The following SGSH variants were observed in gnomAD, a reference collection of about 807,000 sequenced individuals.
SGSH encodes the protein N-sulfoglucosamine sulfohydrolase.
Under a neutral mutation model 51.0 loss-of-function variants are expected in SGSH, and 48 were observed. The observed-to-expected ratio is 0.94, with a 90% CI of 0.75 to 1.20. The LOEUF is 1.20. Ranked by LOEUF, SGSH falls within the 50% of genes most tolerant of loss-of-function variation. The probability of loss-of-function intolerance (pLI) is 0.00; values close to 1 mark genes in which losing one functional copy is unlikely to be tolerated. For missense variants in SGSH, 662 were observed against 717.8 expected (o/e 0.92, Z 0.89); for synonymous variants, 321 against 313.4 (o/e 1.02, Z -0.26).
Position 80,210,863 on chromosome 17 carries a change from G to A in SGSH, c.1098C>T (p.Ser366=), listed in dbSNP as rs1344726489. Reference sequence around the variant, plus strand: ...GGTAGGACATGGTGACCTCGTGGTGGCTCTGGCTGCCAAAGACGGTGGCCC... The same window carrying A: ...GGTAGGACATGGTGACCTCGTGGTGACTCTGGCTGCCAAAGACGGTGGCCC... ...PLWATVFGSQ[S]HHEVTMSYPM... is the part of the protein sequence containing the mutation. Residue 366 remains serine (S), a synonymous_variant, in exon 8 of 8, where the codon AGC becomes AGT. Transcript: ENST00000326317. 2 of 1,613,504 alleles carry A rather than the reference G, an allele frequency of 1.2e-6. No homozygotes were observed. The highest frequency in any genetic ancestry group is 1.7e-6 in the Non-Finnish European group (2 of 1,180,020).
At chr17:80,208,118 C>G (rs545159633), downstream of SGSH, 101 of 1,502,044 alleles carry the variant, frequency 6.7e-5, no homozygotes, top group African/African-American at 2.9e-4. Flanking sequence ...GCCCGCCCCC[C>G]CCAACTCTGG....
downstream of SGSH, chr17:80,205,269 T>A (rs1598713038): frequency 8.4e-7 from 1 of 1,186,690 alleles, no homozygotes; most frequent in Non-Finnish European, 1.2e-6. Flanking sequence ...CTCCCCTTCC[T>A]CCCTCCTTCC....
chr17:80,203,828 G>C (rs2144510433), downstream of SGSH: 1 of 1,578,956 alleles, frequency 6.3e-7, no homozygotes, highest in Non-Finnish European at 8.6e-7. This position sits in a 1 kb window ranked among gnomAD's most constrained non-coding sequence, Gnocchi z 4.6. Flanking sequence ...GCAGGGCTCA[G>C]CAGCAGCTCA....
downstream of SGSH, chr17:80,205,240 C>G (rs367744677): frequency 6.4e-6 from 10 of 1,561,106 alleles, no homozygotes; most frequent in Non-Finnish European, 8.7e-6. Flanking sequence ...CTACCCCTTC[C>G]ACCTTCCCTC....
rs2041833086 is a variant in SGSH at position 80,214,978 on chromosome 17, C to T, written c.355+55G>A. On this transcript the variant is annotated intron_variant, in intron 3 of 7. Transcript: ENST00000326317. ...TACAAGGTGCCGAACCTCCTGGGCT[C>T]TGGCCTGGCCTCTGTGCCTCACCCC... 2.0e-6 allele frequency: 3 copies of T among 1,500,408 alleles called. No homozygotes were observed. In the African/African-American group the frequency reaches 4.1e-5, roughly 21 times the overall value. 92.9% of individuals were successfully genotyped at this position (1,500,408 alleles called of 1,614,324 possible).
chr17:80,203,858 G>A, downstream of SGSH: 1 of 1,595,968 alleles, frequency 6.3e-7, no homozygotes, highest in Non-Finnish European at 8.5e-7. This position sits in a 1 kb window ranked among gnomAD's most constrained non-coding sequence, Gnocchi z 4.6. Flanking sequence ...TCCAGGACAT[G>A]ACTCAGCAGT....
chr17:80,216,279 C>T lies in SGSH; in HGVS notation c.249+753G>A, dbSNP rs7406336. Among the ~76,000 whole-genome samples the T allele has an allele frequency of 4.0e-5, 6 of 151,190 alleles. No homozygotes were observed. The East Asian group carries it at 1.2e-3, about 30-fold the overall frequency. ...GGGAGGCAGAGGCTGCAGTGAGCCA[C>T]GATCGCACCACAGCACTCCAGCCTG... is the stretch of plus-strand genomic sequence containing the variant. On this transcript the variant is annotated intron_variant, in intron 2 of 7. Transcript: ENST00000326317.
chr17:80,206,187 T>C (rs1274306425), downstream of SGSH, among the ~76,000 whole-genome samples: 1 of 152,232 alleles, frequency 6.6e-6, no homozygotes, highest in Non-Finnish European at 1.5e-5. Flanking sequence ...CAAACTCAGC[T>C]GGGCCTGGGG....
Position 80,213,846 on chromosome 17 carries a change from C to T in SGSH, c.703G>A (p.Asp235Asn), listed in dbSNP as rs753472891. The change falls in exon 6 of 8, where the codon GAC (aspartate) becomes AAC (asparagine). Residue 235 changes from aspartate to asparagine, a missense_variant. Transcript: ENST00000326317. This position sits in a 1 kb window ranked among gnomAD's most constrained non-coding sequence, Gnocchi z 4.6. Reference sequence around the variant, plus strand: ...ACGGTGGTGTACTGAGCGGCCAGGTCGGCTCGGGCTGCCGGGGTGTTGGGG... The same window carrying T: ...ACGGTGGTGTACTGAGCGGCCAGGTTGGCTCGGGCTGCCGGGGTGTTGGGG... ...FVPNTPAARA[D>N]LAAQYTTVGR... The T allele has an allele frequency of 1.6e-5, 25 of 1,608,590 alleles. No individual in the cohort carries two copies. Among genetic ancestry groups the T allele is most frequent in the East Asian group, 1.1e-4 (5 of 44,756 alleles).
intron 4 of SGSH, 31 bp downstream of exon 4, chr17:80,214,584 A>T: frequency 6.9e-6 from 11 of 1,605,472 alleles, no homozygotes; most frequent in Non-Finnish European, 9.4e-6. Context: ...ACCGGCCGCC[A>T]GGGGGAAGGG....
chr17:80,210,218 C>G lies in SGSH; in HGVS notation c.*234G>C. On this transcript the variant is annotated 3_prime_UTR_variant, in exon 8 of 8. Transcript: ENST00000326317. Reference sequence around the variant, plus strand: ...GACACAAGGACAACTGTGTCCCCTGCCATGACGGCAGTGCCCCTGGTGGTG... The same window carrying G: ...GACACAAGGACAACTGTGTCCCCTGGCATGACGGCAGTGCCCCTGGTGGTG... 7.0e-7 allele frequency: 1 copy of G among 1,418,708 alleles called. No homozygotes were observed. The allele number at this position is 1,418,708 out of a possible 1,614,324, so 87.9% of individuals were successfully genotyped here. A position where few individuals can be genotyped will look rare whatever the true frequency, so the allele number is the denominator to read the frequency against.
chr17:80,212,375 T>C lies in SGSH; in HGVS notation c.746-101A>G. On this transcript the variant is annotated intron_variant, in intron 6 of 7. Coordinates refer to ENST00000326317, the MANE Select transcript of SGSH (RefSeq NM_000199.5). This position sits in a 1 kb window ranked among gnomAD's most constrained non-coding sequence, Gnocchi z 5.9. ...CTGCTGCTGCATCCGGCCGCTGGGCTCCAGCGCTTTCCGGATTCGAAAGCA... is the reference window on the plus strand; with the variant it reads ...CTGCTGCTGCATCCGGCCGCTGGGCCCCAGCGCTTTCCGGATTCGAAAGCA... 9.6e-7 allele frequency: 1 copy of C among 1,045,560 alleles called. No individual in the cohort carries two copies. Among genetic ancestry groups the C allele is most frequent in the East Asian group, 2.6e-5 (1 of 38,708 alleles). The allele number at this position is 1,045,560 out of a possible 1,614,324, so 64.8% of individuals were successfully genotyped here.
rs1244912783 is a variant in SGSH, at chr17:80,209,522, G to A, written c.*930C>T. The A allele has an allele frequency of 2.5e-5, 25 of 985,320 alleles. No individual in the cohort carries two copies. Among genetic ancestry groups the A allele is most frequent in the African/African-American group, 5.2e-5 (3 of 57,246 alleles). 61.0% of individuals were successfully genotyped at this position (985,320 alleles called of 1,614,324 possible). On this transcript the variant is annotated 3_prime_UTR_variant, in exon 8 of 8. Transcript: ENST00000326317. Reference sequence around the variant, plus strand: ...AACGGCACATTCTCCCAGCAACGCCGACGTCATCCAAGAATTAACCCAAGC... The same window carrying A: ...AACGGCACATTCTCCCAGCAACGCCAACGTCATCCAAGAATTAACCCAAGC...
downstream of SGSH, chr17:80,205,919 T>G: frequency 2.9e-6 from 1 of 350,804 alleles, no homozygotes; most frequent in East Asian, 5.1e-5. Context: ...CGAGAATGAA[T>G]AAATCCGAGC....
At chr17:80,214,832 C>T (rs1243427529) in intron 3 of SGSH, 67 bp from the exon 4 acceptor site, 1 of 1,562,978 alleles carries the variant, frequency 6.4e-7, no homozygotes, top group East Asian at 2.2e-5. Context: ...CCCTTCTCTG[C>T]CCCTCTCGGC....
rs1372447021 is a variant in SGSH, at chr17:80,220,331, C to T, written c.-18G>A. On this transcript the variant is annotated 5_prime_UTR_variant, in exon 1 of 8. Transcript: ENST00000326317. ...CAGCTCATGGCGGCGGCGGCTCGGACTCGGGATCGGGATCCGGCTCCGGCT... is the reference window on the plus strand; with the variant it reads ...CAGCTCATGGCGGCGGCGGCTCGGATTCGGGATCGGGATCCGGCTCCGGCT... 2.0e-6 allele frequency: 3 copies of T among 1,481,878 alleles called. No homozygotes were observed. In the African/African-American group the frequency reaches 4.4e-5, roughly 22 times the overall value. The allele number at this position is 1,481,878 out of a possible 1,614,324, so 91.8% of individuals were successfully genotyped here.
At position 80,209,695 on chromosome 17, in the gene SGSH, TG is replaced by T. The variant is rs1356608380; in HGVS notation, c.*756del. ...GGGCATCACCACCCAGCAATGCCAG[TG>T]TCACCGAAGAATTAACCCAAGCCAG... On this transcript the variant is annotated 3_prime_UTR_variant, in exon 8 of 8. Coordinates refer to ENST00000326317, the MANE Select transcript of SGSH (RefSeq NM_000199.5). 4 of 983,758 alleles carry T rather than the reference TG, an allele frequency of 4.1e-6. No homozygotes were observed. The highest frequency in any genetic ancestry group is 1.1e-4 in the East Asian group (1 of 8,730). 60.9% of individuals were successfully genotyped at this position (983,758 alleles called of 1,614,324 possible). A position where few individuals can be genotyped will look rare whatever the true frequency, so the allele number is the denominator to read the frequency against.
rs751165124 is a variant in SGSH, at chr17:80,214,334, C to T, written c.507-6G>A. ...CGACGTAGAGGAAGAAAGGCCTGCA[C>T]GGGAGGAGGCTCATTGCCAAGGCTG... On this transcript the variant is annotated splice_polypyrimidine_tract_variant and splice_region_variant and intron_variant, in intron 4 of 7. Transcript: ENST00000326317. 1.6e-5 allele frequency: 25 copies of T among 1,610,698 alleles called. No individual in the cohort carries two copies. The highest frequency in any genetic ancestry group is 1.6e-4 in the Middle Eastern group (1 of 6,072).
At chr17:80,211,846 G>A (rs892660817) in intron 7 of SGSH, 18 of 591,892 alleles carry the variant, frequency 3.0e-5, no homozygotes, top group African/African-American at 1.3e-4. Context: ...GGATCCAGGC[G>A]AGAATCCTAG....
Sources: allele counts gnomAD v4.1 joint callset (sites outside exome capture counted in the v4.1 genomes callset), GRCh38; gene constraint gnomAD v4.1.1; non-coding constraint Gnocchi (gnomAD v3.1); transcripts MANE v1.5; gene names NCBI Gene and HGNC (gene_info 2026-07-23, HGNC 2026-07-21).